Variants in OCA2 observed in about 807,000 individuals in gnomAD.
OCA2 encodes P protein.
A neutral mutation model predicts 100.2 loss-of-function variants in OCA2; 77 were observed. The ratio of observed to expected loss-of-function variants is 0.77; its 90% CI spans 0.64 to 0.93. The LOEUF is 0.93. OCA2 is among the 40% of genes least tolerant of loss of function. OCA2 has a pLI of 0.00. For synonymous variants in OCA2, 432 were observed against 439.2 expected (o/e 0.98, Z 0.21); for missense variants, 1,062 against 1,089.1 (o/e 0.98, Z 0.35).
chr15:27,796,500 A>G (rs2033341979), intron 23 of OCA2, among the ~76,000 whole-genome samples: 1 of 151,816 alleles, frequency 6.6e-6, no homozygotes, highest in East Asian at 1.9e-4. Context: ...TGTCCGCCAG[A>G]GAGTGTAATG....
intron 21 of OCA2, 58 bp downstream of exon 21, chr15:27,871,096 A>G (rs1178205699): frequency 2.4e-6 from 3 of 1,265,134 alleles, no homozygotes; most frequent in Middle Eastern, 1.8e-4. Flanking sequence ...AGGGAGGGTG[A>G]GCCCCAGGCT....
chr15:27,903,445 A>G (rs574151642), intron 19 of OCA2, among the ~76,000 whole-genome samples: 1 of 152,326 alleles, frequency 6.6e-6, no homozygotes, highest in East Asian at 1.9e-4. Context: ...AGGAACTTCC[A>G]ACTCCCACCT....
intron 9 of OCA2, among the ~76,000 whole-genome samples, chr15:28,005,646 C>A (rs1014783103): frequency 2.0e-5 from 3 of 152,164 alleles, no homozygotes; most frequent in African/African-American, 7.2e-5. Context: ...ACCTCTCCCA[C>A]TGACCACAGC....
At chr15:28,070,568 G>C (rs1462989325) in intron 2 of OCA2, among the ~76,000 whole-genome samples, 1 of 145,368 alleles carries the variant, frequency 6.9e-6, no homozygotes, top group Non-Finnish European at 1.5e-5. Context: ...CCGGCCAGCC[G>C]CCCCGTCTGG....
intron 23 of OCA2, among the ~76,000 whole-genome samples, chr15:27,796,494 C>T (rs1239169706): frequency 2.6e-5 from 4 of 152,224 alleles, no homozygotes; most frequent in East Asian, 3.9e-4. Context: ...TGCTGGTGTC[C>T]GCCAGAGAGT....
chr15:27,820,034 G>A (rs550838111), intron 23 of OCA2, among the ~76,000 whole-genome samples: 67 of 152,230 alleles, frequency 4.4e-4, no homozygotes, highest in African/African-American at 1.3e-3. Context: ...AATGGAGAGC[G>A]CTCCCAATGG....
At chr15:27,925,875 T>G (rs2039023840) in intron 19 of OCA2, among the ~76,000 whole-genome samples, 1 of 152,048 alleles carries the variant, frequency 6.6e-6, no homozygotes, top group Non-Finnish European at 1.5e-5. Context: ...TTATAGAAAA[T>G]GAAATTAGAA....
intron 19 of OCA2, among the ~76,000 whole-genome samples, chr15:27,873,705 A>ATTACTTT (rs1430191714): frequency 6.6e-6 from 1 of 152,242 alleles, no homozygotes; most frequent in East Asian, 1.9e-4. Flanking sequence ...AATGTAAGAC[A>ATTACTTT]AAATAAAGTA....
chr15:27,722,413 G>A, the OCA2 span, among the ~76,000 whole-genome samples: 1 of 152,220 alleles, frequency 6.6e-6, no homozygotes. Context: ...ACACCTGGCA[G>A]CCTTGTGGCT....
At chr15:27,830,124 A>G (rs1463396853) in intron 23 of OCA2, among the ~76,000 whole-genome samples, 6 of 152,244 alleles carry the variant, frequency 3.9e-5, no homozygotes, top group Non-Finnish European at 1.5e-5. Context: ...AAGGCAAAGT[A>G]CTTGCCCTAC....
Position 28,043,109 on chromosome 15 carries a change from T to C in OCA2, c.228-10946A>G, listed in dbSNP as rs1287346366. On this transcript the variant is annotated intron_variant, in intron 2 of 23. Coordinates refer to ENST00000354638, the MANE Select transcript of OCA2 (RefSeq NM_000275.3). This position sits in a 1 kb window ranked among gnomAD's most constrained non-coding sequence, Gnocchi z 4.4. ...AATAATTGGCAAAAAAGTATAATCA[T>C]ATGCCCCAAAGCCTGGGGAGGTATT... 6.6e-6 allele frequency among the ~76,000 whole-genome samples: 1 copy of C among 152,204 alleles called. No individual in the cohort carries two copies. Among genetic ancestry groups the C allele is most frequent in the African/African-American group, 2.4e-5 (1 of 41,464 alleles).
intron 19 of OCA2, among the ~76,000 whole-genome samples, chr15:27,912,453 A>G (rs530716663): frequency 3.0e-4 from 46 of 152,366 alleles, no homozygotes; most frequent in African/African-American, 9.4e-4. Flanking sequence ...TCTAAAGACG[A>G]CAGGAGCCAA....
chr15:27,934,918 A>G (rs187797449), intron 18 of OCA2, among the ~76,000 whole-genome samples: 2 of 152,312 alleles, frequency 1.3e-5, no homozygotes, highest in African/African-American at 4.8e-5. Context: ...CAGCGGCACT[A>G]ATCAGGCTGC....
At chr15:27,913,897 AAGCAAGCAAGCAAGCAAGCAAGC>A (rs2038546286) in intron 19 of OCA2, among the ~76,000 whole-genome samples, 505 of 35,706 alleles carry the variant, frequency 0.014, 93 homozygotes, top group East Asian at 0.068. Context: ...GAAAGAAAGC[AAGCAAGCAAGCAAGCAAGCAAGC>A]AAGCAAGCAA....
intron 19 of OCA2, among the ~76,000 whole-genome samples, chr15:27,906,525 T>C (rs371828061): frequency 1.3e-5 from 2 of 152,128 alleles, no homozygotes; most frequent in East Asian, 1.9e-4. Context: ...TATTTGTTTA[T>C]TGGAGTCCTT....
chr15:27,810,722 G>C (rs977307553), intron 23 of OCA2, among the ~76,000 whole-genome samples: 3 of 152,186 alleles, frequency 2.0e-5, no homozygotes, highest in Admixed American at 1.3e-4. Flanking sequence ...GACATGAATA[G>C]AGAATTCTCC....
intron 19 of OCA2, among the ~76,000 whole-genome samples, chr15:27,911,521 C>T (rs1354729950): frequency 2.0e-5 from 3 of 152,166 alleles, no homozygotes; most frequent in Non-Finnish European, 4.4e-5. Flanking sequence ...CGAGGACCTC[C>T]GGCTGCTTCC....
chr15:28,094,359 A>G (rs1425355966), intron 1 of OCA2, among the ~76,000 whole-genome samples: 1 of 152,094 alleles, frequency 6.6e-6, no homozygotes, highest in East Asian at 1.9e-4. Context: ...CCCTGGGCAG[A>G]GCTCCCGCCC....
intron 1 of OCA2, among the ~76,000 whole-genome samples, chr15:28,096,059 C>T (rs1434970110): frequency 6.6e-6 from 1 of 152,094 alleles, no homozygotes; most frequent in African/African-American, 2.4e-5. Context: ...GAGCACGGCC[C>T]TTCTCTCCGG....
Sources: gnomAD v4.1 joint callset for allele counts (sites outside exome capture counted in the v4.1 genomes callset) on GRCh38, gnomAD v4.1.1 for gene constraint, Gnocchi (gnomAD v3.1) non-coding constraint, MANE v1.5 for transcripts, NCBI Gene and HGNC (gene_info 2026-07-23, HGNC 2026-07-21) for gene names.